PER3: variants seen among roughly 807,000 people sequenced by gnomAD.
PER3 encodes period circadian protein homolog 3.
In PER3, 107 loss-of-function variants were observed where a neutral mutation model predicts 127.2. The ratio of observed to expected loss-of-function variants is 0.84; its 90% CI spans 0.72 to 0.99. The LOEUF (loss-of-function observed/expected upper bound fraction) is 0.99. PER3 is among the 50% of genes least tolerant of loss of function. The pLI is 0.00. For synonymous variants in PER3, 618 were observed against 585.8 expected, an observed-to-expected ratio of 1.05 and a Z score of -0.79; for missense variants, 1,560 against 1,525.8, an observed-to-expected ratio of 1.02 and a Z score of -0.37.
In PER3 at chr1:7,843,949, C is replaced by A; in HGVS notation, c.*1194C>A. On this transcript the variant is annotated 3_prime_UTR_variant, in exon 22 of 22. Coordinates refer to ENST00000377532, the MANE Select transcript of PER3 (RefSeq NM_001377275.1). ...TTGGAATGATAGATGAAATTCACAC[C>A]CCTGCAGATCAGAAAAAACAAATAG... 1 of 1,277,154 alleles carries A rather than the reference C, an allele frequency of 7.8e-7. No individual in the cohort carries two copies. The highest frequency in any genetic ancestry group is 1.0e-6 in the Non-Finnish European group (1 of 977,010). 79.1% of individuals were successfully genotyped at this position (1,277,154 alleles called of 1,614,324 possible).
chr1:7,787,588 G>A (rs570945181), intron 4 of PER3: 1 of 321,460 alleles, frequency 3.1e-6, no homozygotes, highest in South Asian at 2.6e-5. Context: ...AACACAAACT[G>A]CTGATTATAA....
intron 2 of PER3, 60 bp from the exon 3 acceptor site, chr1:7,785,381 T>A: frequency 7.2e-7 from 1 of 1,388,956 alleles, no homozygotes; most frequent in South Asian, 1.2e-5. Context: ...TTGTGTTCCC[T>A]AAGCCGCAAG....
intron 5 of PER3, among the ~76,000 whole-genome samples, chr1:7,789,117 A>C (rs2097106303): frequency 7.0e-6 from 1 of 142,486 alleles, no homozygotes; most frequent in South Asian, 2.3e-4. Flanking sequence ...ATTCTTTGTG[A>C]AGTGTCTCTT....
chr1:7,807,137 C>A (rs960870525), intron 10 of PER3, among the ~76,000 whole-genome samples: 5 of 152,076 alleles, frequency 3.3e-5, no homozygotes, highest in Non-Finnish European at 7.4e-5. Context: ...AGACAAAATA[C>A]CTCACCCCGT....
chr1:7,823,715 G>T (rs1001733180), intron 16 of PER3, among the ~76,000 whole-genome samples: 1 of 151,186 alleles, frequency 6.6e-6, no homozygotes, highest in African/African-American at 2.4e-5. Context: ...TTGGAAAATT[G>T]TACACTCCCT....
intron 5 of PER3, among the ~76,000 whole-genome samples, chr1:7,791,408 G>T (rs1036014315): frequency 1.3e-5 from 2 of 152,234 alleles, no homozygotes; most frequent in Non-Finnish European, 2.9e-5. Flanking sequence ...GAAGCAGCTG[G>T]AATGGAGGGC....
At chr1:7,807,671 T>G (rs2097200833) in intron 10 of PER3, among the ~76,000 whole-genome samples, 1 of 152,164 alleles carries the variant, frequency 6.6e-6, no homozygotes, top group South Asian at 2.1e-4. Flanking sequence ...CTTTCTGGGT[T>G]GTTGTGAGAA....
intron 18 of PER3, 47 bp downstream of exon 18, chr1:7,827,862 T>TTA: frequency 6.9e-7 from 1 of 1,459,826 alleles, no homozygotes; most frequent in Non-Finnish European, 9.4e-7. Flanking sequence ...GTGAATATCT[T>TTA]ACTAAAGTTA....
intron 20 of PER3, among the ~76,000 whole-genome samples, chr1:7,836,473 C>A (rs368278245): frequency 1.3e-5 from 2 of 152,188 alleles, no homozygotes; most frequent in South Asian, 4.2e-4. Flanking sequence ...GCCACTGCAC[C>A]CGGCCTATGG....
At chr1:7,794,290 C>T (rs529787079) in intron 6 of PER3, among the ~76,000 whole-genome samples, 2 of 151,978 alleles carry the variant, frequency 1.3e-5, no homozygotes, top group Non-Finnish European at 2.9e-5. Context: ...GTCAAGGGGT[C>T]GAGAACATCC....
chr1:7,844,372 TTGTG>T lies in PER3; in HGVS notation c.*1625_*1628del, dbSNP rs1578015927. Reference sequence around the variant, plus strand: ...GATAGTTAAGTGATTTCTGAAGCGTTTGTGTGTGTGTTGATCAGGTTGTGTGATA... The same window carrying T: ...GATAGTTAAGTGATTTCTGAAGCGTTTGTGTGTTGATCAGGTTGTGTGATA... On this transcript the variant is annotated 3_prime_UTR_variant, in exon 22 of 22. Coordinates refer to ENST00000377532, the MANE Select transcript of PER3 (RefSeq NM_001377275.1). The T allele has an allele frequency of 6.5e-6, 1 of 152,954 alleles. No homozygotes were observed. The highest frequency in any genetic ancestry group is 1.9e-4 in the East Asian group (1 of 5,340). The allele number at this position is 152,954 out of a possible 1,614,324, so 9.5% of individuals were successfully genotyped here.
At chr1:7,806,614 C>G (rs1355242482) in intron 10 of PER3, among the ~76,000 whole-genome samples, 1 of 151,008 alleles carries the variant, frequency 6.6e-6, no homozygotes, top group Non-Finnish European at 1.5e-5. Flanking sequence ...ATAGTGAGAC[C>G]CCTTCTCTAC....
chr1:7,789,176 C>G (rs1014941693), intron 5 of PER3, among the ~76,000 whole-genome samples: 1 of 147,772 alleles, frequency 6.8e-6, no homozygotes, highest in African/African-American at 2.5e-5. Context: ...CTCTTTGATT[C>G]CAAGCCCTTC....
chr1:7,795,757 C>T (rs996344603), intron 6 of PER3, among the ~76,000 whole-genome samples: 4 of 152,318 alleles, frequency 2.6e-5, no homozygotes, highest in Admixed American at 6.5e-5. Flanking sequence ...ATTTTCAAAA[C>T]GTTTTACTTT....
chr1:7,795,216 G>A (rs2097140092), intron 6 of PER3, among the ~76,000 whole-genome samples: 1 of 152,166 alleles, frequency 6.6e-6, no homozygotes, highest in African/African-American at 2.4e-5. Flanking sequence ...AATAAGTGCT[G>A]TATGTGTTTC....
chr1:7,830,263 GT>G, intron 19 of PER3, 102 bp downstream of exon 19: 24 of 1,055,670 alleles, frequency 2.3e-5, no homozygotes, highest in Non-Finnish European at 2.9e-5. Flanking sequence ...GAAGTACAAG[GT>G]TTTTTTTTCT....
At chr1:7,785,995 G>T (rs1558372088) in intron 3 of PER3, among the ~76,000 whole-genome samples, 1 of 152,218 alleles carries the variant, frequency 6.6e-6, no homozygotes. Flanking sequence ...GGTGCCTCAC[G>T]CCTGTAATCC....
chr1:7,785,506 ACTTCC>A lies in PER3; in HGVS notation c.196_200del (p.Phe66LeufsTer6), dbSNP rs1397266788. ...ATGGTTGTCCAAGAAATGAAAAAAT[ACTTCC>A]CCTCGGAGAGACGCAATAAACCAAG... On this transcript the variant is annotated frameshift_variant, in exon 3 of 22. Transcript: ENST00000377532. LOFTEE classifies it high-confidence loss of function. 39 of 1,611,452 alleles carry A rather than the reference ACTTCC, an allele frequency of 2.4e-5. No homozygotes were observed. Among genetic ancestry groups the A allele is most frequent in the Non-Finnish European group, 3.2e-5 (38 of 1,177,688 alleles).
chr1:7,816,673 C>A (rs766862774), intron 13 of PER3, among the ~76,000 whole-genome samples: 1 of 152,120 alleles, frequency 6.6e-6, no homozygotes, highest in African/African-American at 2.4e-5. Context: ...AAAAAACTGA[C>A]AAGTGTTGAC....
Sources: gnomAD v4.1 joint callset for allele counts (sites outside exome capture counted in the v4.1 genomes callset) on GRCh38, gnomAD v4.1.1 for gene constraint, MANE v1.5 for transcripts, NCBI Gene and HGNC (gene_info 2026-07-23, HGNC 2026-07-21) for gene names.